TCF4: variants seen among roughly 807,000 people sequenced by gnomAD.
TCF4 encodes the protein SL3-3 enhancer factor 2.
In TCF4, 3 loss-of-function variants were observed where a neutral mutation model predicts 82.1. That is an observed-to-expected ratio of 0.04 (90% CI 0.02 to 0.09). The LOEUF is 0.09. Among genes scored for constraint, TCF4 ranks in the 10% least tolerant of loss-of-function variants. The pLI, the probability that TCF4 is intolerant of heterozygous loss-of-function variation, is 1.00. For synonymous variants in TCF4, 276 were observed against 309.6 expected (o/e 0.89, Z 1.14); for missense variants, 518 against 852.7 (o/e 0.61, Z 4.89).
intron 2 of TCF4, among the ~76,000 whole-genome samples, chr18:55,617,961 T>A (rs1347605071): frequency 6.6e-6 from 1 of 151,992 alleles, no homozygotes; most frequent in Non-Finnish European, 1.5e-5. Flanking sequence ...TATAATTGCT[T>A]TGTCTAGAAC....
intron 8 of TCF4, chr18:55,321,851 A>C (rs1465921820): frequency 2.7e-6 from 4 of 1,473,768 alleles, no homozygotes; most frequent in Non-Finnish European, 3.6e-6. Flanking sequence ...TGGCCGGGCC[A>C]AGCGTGGTGA....
chr18:55,252,199 C>T (rs940290896), intron 15 of TCF4, among the ~76,000 whole-genome samples: 3 of 151,978 alleles, frequency 2.0e-5, no homozygotes, highest in African/African-American at 7.3e-5. Flanking sequence ...TGCAAAACCC[C>T]ATTTGGTTCA....
chr18:55,324,601 GAC>G (rs1602696549), intron 8 of TCF4, among the ~76,000 whole-genome samples: 2 of 152,090 alleles, frequency 1.3e-5, no homozygotes, highest in East Asian at 3.9e-4. Flanking sequence ...TTGTTTCACA[GAC>G]ACAGTTTTCA....
chr18:55,584,049 C>A (rs1326635490), intron 3 of TCF4, among the ~76,000 whole-genome samples: 1 of 152,052 alleles, frequency 6.6e-6, no homozygotes, highest in Non-Finnish European at 1.5e-5. Context: ...AGAAGCATCT[C>A]ACATTTTTTA....
chr18:55,408,751 AC>A (rs960223146), intron 5 of TCF4, among the ~76,000 whole-genome samples: 6 of 152,126 alleles, frequency 3.9e-5, no homozygotes, highest in African/African-American at 1.4e-4. Context: ...CAGGATTCAA[AC>A]CCTGGCAGTT....
Position 55,503,717 on chromosome 18 carries a change from G to A in TCF4, c.146-39580C>T, listed in dbSNP as rs542960867. On this transcript the variant is annotated intron_variant, in intron 3 of 19. Transcript: ENST00000354452. ...GGAACTCCGTTTCTTTAGGCAATAT[G>A]GCCCTGTAGACTTAACAACATACAG... Among the ~76,000 whole-genome samples the A allele has an allele frequency of 2.0e-5, 3 of 152,230 alleles. No individual in the cohort carries two copies. In the East Asian group the frequency reaches 5.8e-4, roughly 29 times the overall value.
chr18:55,424,858 C>A (rs531596859), intron 5 of TCF4, among the ~76,000 whole-genome samples: 1 of 152,146 alleles, frequency 6.6e-6, no homozygotes, highest in Admixed American at 6.5e-5. Flanking sequence ...TTAGGAGATG[C>A]CTGCTCATCC....
chr18:55,240,245 A>C (rs1413081571), intron 15 of TCF4, among the ~76,000 whole-genome samples: 1 of 152,240 alleles, frequency 6.6e-6, no homozygotes, highest in Non-Finnish European at 1.5e-5. Context: ...AAAATGGGAC[A>C]AAGACAGAAG....
At chr18:55,335,542 G>A (rs1163325168) in intron 8 of TCF4, among the ~76,000 whole-genome samples, 4 of 152,128 alleles carry the variant, frequency 2.6e-5, no homozygotes, top group African/African-American at 9.7e-5. Context: ...AAAGAAGACA[G>A]AAATCATACA....
chr18:55,485,241 G>T (rs959328891), intron 3 of TCF4, among the ~76,000 whole-genome samples: 1 of 152,188 alleles, frequency 6.6e-6, no homozygotes, highest in African/African-American at 2.4e-5. Flanking sequence ...GTAACGTAAT[G>T]TAAGACATTT....
chr18:55,269,500 TA>T (rs2059893496), intron 11 of TCF4: 1 of 369,478 alleles, frequency 2.7e-6, no homozygotes, highest in African/African-American at 2.1e-5. Flanking sequence ...TTCTGCTTTG[TA>T]GCTCACTAGT....
At chr18:55,378,989 C>T (rs1274653874) in intron 6 of TCF4, among the ~76,000 whole-genome samples, 1 of 152,142 alleles carries the variant, frequency 6.6e-6, no homozygotes, top group Non-Finnish European at 1.5e-5. Flanking sequence ...TAGCCTAGCA[C>T]TAAAATCATC....
At chr18:55,488,502 A>AG in intron 3 of TCF4, among the ~76,000 whole-genome samples, 1 of 152,344 alleles carries the variant, frequency 6.6e-6, no homozygotes, top group East Asian at 1.9e-4. Context: ...TGCCAAACAA[A>AG]GCAACTGAGC....
chr18:55,252,024 C>T (rs567980786), intron 15 of TCF4, among the ~76,000 whole-genome samples: 6 of 140,454 alleles, frequency 4.3e-5, no homozygotes, highest in African/African-American at 1.6e-4. Flanking sequence ...TGATTAAATT[C>T]AAAAACTATT....
At chr18:55,358,338 T>C (rs1354425656) in intron 6 of TCF4, among the ~76,000 whole-genome samples, 1 of 152,184 alleles carries the variant, frequency 6.6e-6, no homozygotes, top group Non-Finnish European at 1.5e-5. Context: ...ATAACCACCA[T>C]AGTATTAGCA....
rs570828234 is a variant in TCF4, at chr18:55,578,445, TA to T, written c.145+6834del. 3.9e-4 allele frequency among the ~76,000 whole-genome samples: 60 copies of T among 152,174 alleles called. 1 individual carries two copies. Among genetic ancestry groups the T allele is most frequent in the African/African-American group, 1.4e-3 (57 of 41,560 alleles). ...CCCTCCCGAACCTTGGCTCCTTACC[TA>T]AAAAATAGAGCATCTCTAAAGTCTC... is the stretch of plus-strand genomic sequence containing the variant. On this transcript the variant is annotated intron_variant, in intron 3 of 19. Coordinates refer to ENST00000354452, the MANE Select transcript of TCF4 (RefSeq NM_001083962.2).
At chr18:55,402,579 CAA>C (rs1478829042) in intron 6 of TCF4, among the ~76,000 whole-genome samples, 1 of 151,566 alleles carries the variant, frequency 6.6e-6, no homozygotes, top group African/African-American at 2.4e-5. Context: ...TAAATTCCAT[CAA>C]GAGTTTTCCA....
chr18:55,386,062 A>G (rs1177666332), intron 6 of TCF4, among the ~76,000 whole-genome samples: 2 of 152,128 alleles, frequency 1.3e-5, no homozygotes, highest in African/African-American at 4.8e-5. Flanking sequence ...ACTGGCCACC[A>G]ACTCTCCAAC....
chr18:55,515,063 T>A (rs1472385503), intron 3 of TCF4, among the ~76,000 whole-genome samples: 2 of 152,084 alleles, frequency 1.3e-5, no homozygotes. Flanking sequence ...GATTAGGAAA[T>A]TTGCCTAATT....
Sources: gnomAD v4.1 joint callset for allele counts (sites outside exome capture counted in the v4.1 genomes callset) on GRCh38, gnomAD v4.1.1 for gene constraint, MANE v1.5 for transcripts, NCBI Gene and HGNC (gene_info 2026-07-23, HGNC 2026-07-21) for gene names.